The following PSPC1 variants were observed in gnomAD, a reference collection of about 807,000 sequenced individuals.
The protein encoded by PSPC1 is paraspeckle component 1, also known as paraspeckle protein 1.
Under a neutral mutation model 51.6 loss-of-function variants are expected in PSPC1, and 14 were observed. The observed-to-expected ratio is 0.27, with a 90% confidence interval of 0.18 to 0.42. PSPC1 has a LOEUF of 0.42. Ranked by LOEUF, PSPC1 falls within the 10% of genes least tolerant of loss-of-function variation. The pLI is 1.00. For missense variants in PSPC1, 406 were observed against 701.1 expected, an observed-to-expected ratio of 0.58 and a Z score of 4.75; for synonymous variants, 193 against 231.9, an observed-to-expected ratio of 0.83 and a Z score of 1.53.
At chr13:19,682,244 G>T (rs755309408) in intron 6 of PSPC1, among the ~76,000 whole-genome samples, 10 of 152,070 alleles carry the variant, frequency 6.6e-5, no homozygotes, top group Non-Finnish European at 1.5e-4. Context: ...CTGATATTTT[G>T]TAAGAAGCAA....
chr13:19,740,382 A>T (rs1885315340), intron 5 of PSPC1, among the ~76,000 whole-genome samples: 1 of 152,160 alleles, frequency 6.6e-6, no homozygotes, highest in South Asian at 2.1e-4. Context: ...GTAAAATCAC[A>T]TAGAAATATT....
downstream of PSPC1, among the ~76,000 whole-genome samples, chr13:19,699,027 C>G (rs1337241356): frequency 6.6e-6 from 1 of 151,572 alleles, no homozygotes; most frequent in African/African-American, 2.4e-5. Flanking sequence ...AACGGTTTTA[C>G]AGAAAAAAAG....
chr13:19,709,511 A>C (rs755489456), intron 7 of PSPC1, 31 bp downstream of exon 7: 1 of 1,585,362 alleles, frequency 6.3e-7, no homozygotes, highest in South Asian at 1.1e-5. Context: ...AAAATGATAA[A>C]TTACAAAAGC....
chr13:19,693,007 A>G (rs1017748647), intron 6 of PSPC1, among the ~76,000 whole-genome samples: 1 of 152,178 alleles, frequency 6.6e-6, no homozygotes, highest in African/African-American at 2.4e-5. Flanking sequence ...CCTTACTCGC[A>G]GTCACCTAAA....
At chr13:19,693,740 T>C (rs1878839364) in intron 6 of PSPC1, among the ~76,000 whole-genome samples, 1 of 152,144 alleles carries the variant, frequency 6.6e-6, no homozygotes, top group African/African-American at 2.4e-5. Context: ...CCTGAGAACT[T>C]CGTGCTCCAA....
rs183801641 is a variant in PSPC1, at chr13:19,693,703, G to C, written c.1159-15880C>G. Among the ~76,000 whole-genome samples the C allele has an allele frequency of 4.9e-3, 740 of 152,298 alleles. 8 individuals are homozygous for C. Among genetic ancestry groups the C allele is most frequent in the African/African-American group, 0.017 (718 of 41,568 alleles). On this transcript the variant is annotated intron_variant and NMD_transcript_variant, in intron 6 of 7. Coordinates refer to the PSPC1 transcript ENST00000471658. The stretch of plus-strand genomic sequence containing the variant: ...AGGAAAGTAACAAAGTGAAAGGGGT[G>C]TAAAACTTGATGTGTACGATTTCTT...
At position 19,741,651 on chromosome 13, in the gene PSPC1, T is replaced by G; in HGVS notation, c.968-2A>C. On this transcript the variant is annotated splice_acceptor_variant, in intron 4 of 8. Coordinates refer to ENST00000338910, the MANE Select transcript of PSPC1 (RefSeq NM_001354909.2). LOFTEE classifies it high-confidence loss of function. The stretch of plus-strand genomic sequence containing the variant: ...GTTCTTCTTGACGCCTCATTAGATC[T>G]ATAAAATAATGACTGCACATTAATA... The G allele has an allele frequency of 6.4e-7, 1 of 1,562,374 alleles. No homozygotes were observed. Among genetic ancestry groups the G allele is most frequent in the Non-Finnish European group, 8.7e-7 (1 of 1,144,950 alleles).
intron 2 of PSPC1, among the ~76,000 whole-genome samples, chr13:19,760,665 G>A (rs1887529158): frequency 6.6e-6 from 1 of 151,972 alleles, no homozygotes. Flanking sequence ...ATCAGCCTGG[G>A]AAAGATGACG....
At chr13:19,699,999 A>G (rs1205499691), downstream of PSPC1, among the ~76,000 whole-genome samples, 1 of 152,130 alleles carries the variant, frequency 6.6e-6, no homozygotes, top group Non-Finnish European at 1.5e-5. Context: ...TTTATTTTTC[A>G]CTAATACCAT....
chr13:19,708,226 T>C (rs1015663751), intron 7 of PSPC1, among the ~76,000 whole-genome samples: 20 of 152,214 alleles, frequency 1.3e-4, no homozygotes, highest in Non-Finnish European at 2.5e-4. Flanking sequence ...AAATGTTCAT[T>C]CCACACATGA....
chr13:19,703,742 C>T (rs986938839), intron 8 of PSPC1, among the ~76,000 whole-genome samples: 1 of 151,574 alleles, frequency 6.6e-6, no homozygotes, highest in Non-Finnish European at 1.5e-5. Flanking sequence ...TTAAAAAAAT[C>T]AGAGAAATAA....
intron 3 of PSPC1, among the ~76,000 whole-genome samples, chr13:19,751,777 G>GC (rs1436855170): frequency 6.6e-6 from 1 of 152,198 alleles, no homozygotes; most frequent in Non-Finnish European, 1.5e-5. Flanking sequence ...TACTTTACAG[G>GC]CCGGGCGCAG....
intron 5 of PSPC1, among the ~76,000 whole-genome samples, chr13:19,732,476 T>C (rs922216885): frequency 3.3e-5 from 5 of 152,196 alleles, no homozygotes; most frequent in African/African-American, 1.2e-4. Flanking sequence ...CTCAGTGGGA[T>C]CTGGGGCAGC....
At chr13:19,703,830 T>C (rs1236295922) in intron 8 of PSPC1, among the ~76,000 whole-genome samples, 2 of 152,200 alleles carry the variant, frequency 1.3e-5, no homozygotes, top group African/African-American at 2.4e-5. Flanking sequence ...TCCTTGAAGA[T>C]AGAAAGCACT....
At chr13:19,682,889 CCCT>C in intron 6 of PSPC1, among the ~76,000 whole-genome samples, 1 of 151,520 alleles carries the variant, frequency 6.6e-6, no homozygotes, top group Admixed American at 6.6e-5. Context: ...TAGTGAGAGA[CCCT>C]GTCTCTCACT....
At chr13:19,681,113 G>T in intron 6 of PSPC1, among the ~76,000 whole-genome samples, 1 of 152,088 alleles carries the variant, frequency 6.6e-6, no homozygotes. Flanking sequence ...TACTTGGGAG[G>T]CTGAGATGGG....
At chr13:19,763,793 G>C (rs1566042511) in intron 2 of PSPC1, among the ~76,000 whole-genome samples, 1 of 152,146 alleles carries the variant, frequency 6.6e-6, no homozygotes, top group Non-Finnish European at 1.5e-5. Context: ...CTGAAGTTAG[G>C]AGTTTGAGAC....
At chr13:19,673,156 A>T, downstream of PSPC1, 1 of 453,406 alleles carries the variant, frequency 2.2e-6, no homozygotes, top group Non-Finnish European at 4.4e-6. Context: ...GACTGGGAAG[A>T]TGGGGCTTAG....
chr13:19,673,098 G>GTT (rs10531847), downstream of PSPC1: 209 of 407,708 alleles, frequency 5.1e-4, no homozygotes, highest in South Asian at 9.9e-4. Flanking sequence ...GTTTTTTTTT[G>GTT]TTTTTTTTTT....
Sources: gnomAD v4.1 joint callset for allele counts (sites outside exome capture counted in the v4.1 genomes callset) on GRCh38, gnomAD v4.1.1 for gene constraint, MANE v1.5 for transcripts, NCBI Gene and HGNC (gene_info 2026-07-23, HGNC 2026-07-21) for gene names.